KLHL14: variants seen among roughly 807,000 people sequenced by gnomAD.
KLHL14 encodes the protein kelch-like protein 14.
Under a neutral mutation model 64.3 loss-of-function variants are expected in KLHL14, and 22 were observed. The ratio of observed to expected loss-of-function variants is 0.34; its 90% CI spans 0.24 to 0.49. The LOEUF is 0.49. Ranked by LOEUF, KLHL14 falls within the 20% of genes least tolerant of loss-of-function variation. The pLI, the probability that KLHL14 is intolerant of heterozygous loss-of-function variation, is 0.99. For synonymous variants in KLHL14, 322 were observed against 333.4 expected (o/e 0.97, Z 0.37); for missense variants, 661 against 789.0 (o/e 0.84, Z 1.94).
chr18:32,757,395 A>G (rs1257715710), intron 2 of KLHL14, among the ~76,000 whole-genome samples: 1 of 152,190 alleles, frequency 6.6e-6, no homozygotes, highest in Non-Finnish European at 1.5e-5. Context: ...CCACTTGGTG[A>G]TATGTGTGGT....
Position 32,687,148 on chromosome 18 carries a change from C to T in KLHL14, c.1238+7G>A. 1 of 1,611,420 alleles carries T rather than the reference C, an allele frequency of 6.2e-7. No homozygotes were observed. The highest frequency in any genetic ancestry group is 1.7e-4 in the Middle Eastern group (1 of 6,054). ...AAACGTTTCAGGTGCAAGAAATAAA[C>T]ACTTACCTTTCCTGCATGGGTGGAA... On this transcript the variant is annotated splice_region_variant and intron_variant, in intron 5 of 8. Transcript: ENST00000359358.
intron 2 of KLHL14, chr18:32,743,967 A>G (rs1329373008): frequency 6.6e-6 from 1 of 152,184 alleles, no homozygotes; most frequent in African/African-American, 2.4e-5. Context: ...AGGTTGCTGC[A>G]AATGACCATG....
intron 3 of KLHL14, among the ~76,000 whole-genome samples, chr18:32,701,112 G>C (rs1282967532): frequency 6.6e-6 from 1 of 152,160 alleles, no homozygotes; most frequent in African/African-American, 2.4e-5. Context: ...TGACTGCACA[G>C]TATTCCATTT....
At chr18:32,729,474 C>T (rs1322750335) in intron 3 of KLHL14, among the ~76,000 whole-genome samples, 6 of 152,184 alleles carry the variant, frequency 3.9e-5, no homozygotes, top group African/African-American at 1.4e-4. Context: ...ACGTAAAGTG[C>T]TATTAGCCTG....
At chr18:32,694,723 C>T (rs1006019192) in intron 4 of KLHL14, among the ~76,000 whole-genome samples, 17 of 152,238 alleles carry the variant, frequency 1.1e-4, no homozygotes, top group African/African-American at 2.9e-4. Flanking sequence ...AAAATGTGTA[C>T]CTGCAAGCTG....
intron 3 of KLHL14, among the ~76,000 whole-genome samples, chr18:32,719,420 T>C (rs2050064543): frequency 6.6e-6 from 1 of 152,256 alleles, no homozygotes; most frequent in Non-Finnish European, 1.5e-5. Context: ...AAGATGAGGA[T>C]GAATTTATGA....
intron 2 of KLHL14, among the ~76,000 whole-genome samples, chr18:32,754,351 A>G (rs1168452082): frequency 2.6e-5 from 4 of 152,096 alleles, no homozygotes; most frequent in Non-Finnish European, 5.9e-5. Flanking sequence ...TTTGGAAGAG[A>G]TAAGAGTGAC....
rs1009289687 is a variant in KLHL14 at position 32,683,614 on chromosome 18, T to C, written c.1239-3015A>G. ...TTACACTGTTTCTGTTTCAAATTGT[T>C]CATCTCTCCCTCCTTCAGCCTCCCC... On this transcript the variant is annotated intron_variant, in intron 5 of 8. Coordinates refer to ENST00000359358, the MANE Select transcript of KLHL14 (RefSeq NM_020805.3). The surrounding 1 kb of genome is among the most constrained non-coding windows in gnomAD (Gnocchi z 4.2). 3.3e-5 allele frequency among the ~76,000 whole-genome samples: 5 copies of C among 152,208 alleles called. No individual in the cohort carries two copies. Among genetic ancestry groups the C allele is most frequent in the African/African-American group, 9.7e-5 (4 of 41,450 alleles).
At chr18:32,684,706 C>A (rs576027771) in intron 5 of KLHL14, among the ~76,000 whole-genome samples, 1 of 151,344 alleles carries the variant, frequency 6.6e-6, no homozygotes, top group Admixed American at 6.6e-5. Flanking sequence ...GGGGAACTTC[C>A]GGTTTCATTC....
intron 3 of KLHL14, among the ~76,000 whole-genome samples, chr18:32,725,153 G>C (rs9945156): frequency 0.29 from 44,741 of 151,708 alleles, 6,848 homozygotes; most frequent in African/African-American, 0.37. Context: ...TCCCAAGTAG[G>C]TGGGATGGGA....
intron 4 of KLHL14, 81 bp from the exon 5 acceptor site, chr18:32,687,314 C>T (rs1260500078): frequency 1.2e-5 from 13 of 1,097,274 alleles, no homozygotes; most frequent in Admixed American, 1.7e-5. Flanking sequence ...TCAGACGTCT[C>T]TATTCTCAGG....
intron 3 of KLHL14, among the ~76,000 whole-genome samples, chr18:32,696,778 T>C (rs892454880): frequency 1.2e-4 from 19 of 152,198 alleles, no homozygotes; most frequent in African/African-American, 4.6e-4. Flanking sequence ...TTATCTTTTA[T>C]TTTTCTCAGA....
chr18:32,771,438 C>T (rs921519376), intron 1 of KLHL14, among the ~76,000 whole-genome samples: 50 of 152,144 alleles, frequency 3.3e-4, no homozygotes, highest in Non-Finnish European at 7.3e-4. Context: ...CTGTTGGCTT[C>T]CCCGTCACCA....
intron 4 of KLHL14, among the ~76,000 whole-genome samples, chr18:32,692,576 A>G (rs2049912900): frequency 6.6e-6 from 1 of 152,220 alleles, no homozygotes; most frequent in Non-Finnish European, 1.5e-5. Flanking sequence ...ATGAGGACTG[A>G]TGAAGGAGTT....
In KLHL14 at chr18:32,770,315, A is replaced by ACGGCTGCTGCTGCGG. The variant is rs746680301; in HGVS notation, c.262_276dup (p.Pro88_Pro92dup). On this transcript the variant is annotated inframe_insertion, in exon 2 of 9. Coordinates refer to ENST00000359358, the MANE Select transcript of KLHL14 (RefSeq NM_020805.3). The surrounding 1 kb of genome is among the most constrained non-coding windows in gnomAD (Gnocchi z 6.7). Reference sequence around the variant, plus strand: ...TGCGGCGGCGGCTGCTGCTGCTGTGACGGCTGCTGCTGCGGCGGCTGCTGC... The same window carrying ACGGCTGCTGCTGCGG: ...TGCGGCGGCGGCTGCTGCTGCTGTGACGGCTGCTGCTGCGGCGGCTGCTGCTGCGGCGGCTGCTGC... 3.2e-6 allele frequency: 5 copies of ACGGCTGCTGCTGCGG among 1,585,886 alleles called. No homozygotes were observed. Among genetic ancestry groups the ACGGCTGCTGCTGCGG allele is most frequent in the Non-Finnish European group, 4.3e-6 (5 of 1,166,324 alleles).
intron 3 of KLHL14, among the ~76,000 whole-genome samples, chr18:32,719,115 A>C (rs931919307): frequency 6.6e-6 from 1 of 152,082 alleles, no homozygotes; most frequent in Non-Finnish European, 1.5e-5. Flanking sequence ...CACCTGGGTA[A>C]TTTTGTATTT....
rs772797941 is a variant in KLHL14, at chr18:32,687,207, G to A, written c.1186C>T (p.Arg396Ter). ...CAGCTATTAAATCGAGGATCATATCGGCTGACAAAATTTGTACTGTGTTTT... is the reference window on the plus strand; with the variant it reads ...CAGCTATTAAATCGAGGATCATATCAGCTGACAAAATTTGTACTGTGTTTT... The part of the protein sequence containing the change: ...NGKHSTNFVS[R>*]YDPRFNSWIQ... Residue 396 changes from arginine to a stop codon, truncating the protein, a stop_gained, in exon 5 of 9, where the codon CGA becomes TGA. Coordinates refer to ENST00000359358, the MANE Select transcript of KLHL14 (RefSeq NM_020805.3). LOFTEE classifies it high-confidence loss of function. 1.2e-6 allele frequency: 2 copies of A among 1,613,714 alleles called. No individual in the cohort carries two copies. The highest frequency in any genetic ancestry group is 1.7e-6 in the Non-Finnish European group (2 of 1,179,724).
At chr18:32,768,413 A>T (rs1278088901) in intron 2 of KLHL14, among the ~76,000 whole-genome samples, 1 of 151,724 alleles carries the variant, frequency 6.6e-6, no homozygotes, top group African/African-American at 2.4e-5. Context: ...ACACACACAC[A>T]CACACACACA....
At chr18:32,722,698 C>T (rs2050085793) in intron 3 of KLHL14, among the ~76,000 whole-genome samples, 1 of 152,120 alleles carries the variant, frequency 6.6e-6, no homozygotes, top group South Asian at 2.1e-4. Flanking sequence ...TACAGTGGTT[C>T]ACACATGTAA....
Sources: gnomAD v4.1 joint callset for allele counts (sites outside exome capture counted in the v4.1 genomes callset) on GRCh38, gnomAD v4.1.1 for gene constraint, Gnocchi (gnomAD v3.1) non-coding constraint, MANE v1.5 for transcripts, NCBI Gene and HGNC (gene_info 2026-07-23, HGNC 2026-07-21) for gene names.